CERS3: variants seen among roughly 807,000 people sequenced by gnomAD.
The protein encoded by CERS3 is LAG1 homolog, ceramide synthase 3.
A neutral mutation model predicts 50.3 loss-of-function variants in CERS3; 33 were observed. The ratio of observed to expected loss-of-function variants is 0.66; its 90% CI spans 0.50 to 0.88. The LOEUF is 0.88. Ranked by LOEUF, CERS3 falls within the 40% of genes least tolerant of loss-of-function variation. The probability of loss-of-function intolerance (pLI) is 0.00; values close to 1 mark genes in which losing one functional copy is unlikely to be tolerated. For missense variants in CERS3, 470 were observed against 460.3 expected, an observed-to-expected ratio of 1.02 and a Z score of -0.19; for synonymous variants, 176 against 155.2, an observed-to-expected ratio of 1.13 and a Z score of -0.99.
At chr15:100,455,349 A>C (rs1172616756) in intron 11 of CERS3, among the ~76,000 whole-genome samples, 2 of 152,170 alleles carry the variant, frequency 1.3e-5, no homozygotes, top group Non-Finnish European at 2.9e-5. Flanking sequence ...AGGCTGCATA[A>C]TAGGTAAAAA....
At chr15:100,513,191 C>T (rs923833969) in intron 2 of CERS3, among the ~76,000 whole-genome samples, 4 of 152,182 alleles carry the variant, frequency 2.6e-5, no homozygotes, top group Non-Finnish European at 2.9e-5. Context: ...TGCCATCTAT[C>T]AGCCCCTTCC....
chr15:100,457,906 A>G (rs2034427957), intron 10 of CERS3, among the ~76,000 whole-genome samples: 2 of 152,256 alleles, frequency 1.3e-5, no homozygotes, highest in Non-Finnish European at 2.9e-5. Flanking sequence ...GCTTTAAATC[A>G]AAGACATTTT....
In CERS3 at chr15:100,527,715, C is replaced by T. The variant is rs59814576; in HGVS notation, c.-92+1098G>A. On this transcript the variant is annotated intron_variant, in intron 1 of 11. Transcript: ENST00000679737. ...CATGAGCCCTAAAGGGGAAAATGCA[C>T]GTACACACAGCAAGGACTTAGTAAA... Among the ~76,000 whole-genome samples the T allele has an allele frequency of 8.6e-3, 1,317 of 152,286 alleles. 24 individuals carry two copies. Among genetic ancestry groups the T allele is most frequent in the African/African-American group, 0.03 (1,238 of 41,570 alleles).
At position 100,466,849 on chromosome 15, in the gene CERS3, T is replaced by TCTTTCTC. The variant is rs796656430; in HGVS notation, c.845+2528_845+2529insGAGAAAG. Among the ~76,000 whole-genome samples, 3 of 44,680 alleles carry TCTTTCTC rather than the reference T, an allele frequency of 6.7e-5. 1 individual carries two copies. Among genetic ancestry groups the TCTTTCTC allele is most frequent in the East Asian group, 9.7e-4 (1 of 1,030 alleles). 29.3% of individuals were successfully genotyped at this position (44,680 alleles called of 152,430 possible). On this transcript the variant is annotated intron_variant, in intron 10 of 11. Transcript: ENST00000679737. The stretch of plus-strand genomic sequence containing the variant: ...CCTCTCTCCCTCTCTCCCTCTCTCT[T>TCTTTCTC]TCTCTCTTTCTTTCTTTCTTTCTTG...
intron 11 of CERS3, among the ~76,000 whole-genome samples, chr15:100,415,802 TGAGG>T (rs138449578): frequency 0.58 from 85,955 of 149,160 alleles, 24,661 homozygotes; most frequent in Non-Finnish European, 0.61. Context: ...GGGCAGGGAG[TGAGG>T]GAGGGGAGGG....
chr15:100,433,219 G>C (rs1317514446), intron 11 of CERS3, among the ~76,000 whole-genome samples: 3 of 146,884 alleles, frequency 2.0e-5, no homozygotes, highest in African/African-American at 7.7e-5. Flanking sequence ...CTGGGCAATA[G>C]AGCAAGACTC....
At chr15:100,477,556 C>T (rs975833001) in intron 7 of CERS3, among the ~76,000 whole-genome samples, 21 of 152,142 alleles carry the variant, frequency 1.4e-4, no homozygotes, top group Non-Finnish European at 2.4e-4. Flanking sequence ...AAGAAAAATG[C>T]ACTAGAGCGA....
At chr15:100,467,357 G>A (rs1249727856) in intron 10 of CERS3, among the ~76,000 whole-genome samples, 1 of 152,026 alleles carries the variant, frequency 6.6e-6, no homozygotes, top group Non-Finnish European at 1.5e-5. Context: ...TGCAAACTAT[G>A]GCCTGTGGGT....
At chr15:100,495,432 C>G (rs1185579866) in intron 3 of CERS3, among the ~76,000 whole-genome samples, 1 of 152,138 alleles carries the variant, frequency 6.6e-6, no homozygotes, top group Non-Finnish European at 1.5e-5. Flanking sequence ...TGCTAGTTTT[C>G]TGGTTGCTTT....
At chr15:100,425,077 G>C (rs1418575186) in intron 11 of CERS3, among the ~76,000 whole-genome samples, 1 of 152,218 alleles carries the variant, frequency 6.6e-6, no homozygotes, top group Admixed American at 6.5e-5. Context: ...CCTCCGCCTA[G>C]ATTTCAGAGG....
At chr15:100,418,834 C>T (rs1318816502) in intron 11 of CERS3, among the ~76,000 whole-genome samples, 1 of 149,408 alleles carries the variant, frequency 6.7e-6, no homozygotes, top group Non-Finnish European at 1.5e-5. Flanking sequence ...CCAAACTAAG[C>T]TTCATAAGTG....
intron 11 of CERS3, among the ~76,000 whole-genome samples, chr15:100,419,494 T>C (rs374567269): frequency 3.5e-4 from 49 of 139,756 alleles, no homozygotes; most frequent in African/African-American, 1.2e-3. Flanking sequence ...GAGACTTTAA[T>C]ACCCCACTGT....
chr15:100,504,665 T>A (rs1025172573), intron 2 of CERS3, among the ~76,000 whole-genome samples: 1 of 152,132 alleles, frequency 6.6e-6, no homozygotes, highest in Non-Finnish European at 1.5e-5. Flanking sequence ...TAGTGATACT[T>A]CCTCTTGATT....
intron 1 of CERS3, among the ~76,000 whole-genome samples, chr15:100,539,620 T>C (rs1275026538): frequency 1.3e-5 from 2 of 152,250 alleles, no homozygotes; most frequent in East Asian, 1.9e-4. Flanking sequence ...GAGAAGAGCA[T>C]GGGGGAAAGA....
chr15:100,417,727 G>C (rs1244897473), intron 11 of CERS3, among the ~76,000 whole-genome samples: 1 of 151,922 alleles, frequency 6.6e-6, no homozygotes, highest in Non-Finnish European at 1.5e-5. Flanking sequence ...CACGCAGCTG[G>C]AGATCTGAGA....
intron 11 of CERS3, among the ~76,000 whole-genome samples, chr15:100,407,126 A>C (rs2031102312): frequency 1.3e-5 from 2 of 152,142 alleles, no homozygotes; most frequent in South Asian, 4.1e-4. Flanking sequence ...TTGGGTGGGG[A>C]CACAGCCAAA....
At chr15:100,417,503 G>A (rs1158085658) in intron 11 of CERS3, among the ~76,000 whole-genome samples, 4 of 152,054 alleles carry the variant, frequency 2.6e-5, no homozygotes, top group Admixed American at 6.5e-5. Flanking sequence ...GAGGCTGGGG[G>A]AGGGGCGCCC....
chr15:100,407,984 G>C (rs1034952320), intron 11 of CERS3, among the ~76,000 whole-genome samples: 1 of 152,174 alleles, frequency 6.6e-6, no homozygotes, highest in African/African-American at 2.4e-5. Context: ...TGATTCTCCT[G>C]CCTCAGCCCC....
intron 1 of CERS3, among the ~76,000 whole-genome samples, chr15:100,536,862 T>C (rs2037086731): frequency 6.6e-6 from 1 of 152,230 alleles, no homozygotes; most frequent in South Asian, 2.1e-4. Context: ...GTGATGAGTG[T>C]CTGAATAATA....
Sources: allele counts gnomAD v4.1 joint callset (sites outside exome capture counted in the v4.1 genomes callset), GRCh38; gene constraint gnomAD v4.1.1; transcripts MANE v1.5; gene names NCBI Gene and HGNC (gene_info 2026-07-23, HGNC 2026-07-21).